SYNE3: variants seen among roughly 807,000 people sequenced by gnomAD.
SYNE3 encodes spectrin repeat containing nuclear envelope family member 3.
SYNE3 carries 100 observed loss-of-function variants against 111.2 expected under a neutral mutation model. The ratio of observed to expected loss-of-function variants is 0.90; its 90% CI spans 0.77 to 1.06. SYNE3 has a LOEUF of 1.06. Ranked by LOEUF, SYNE3 falls within the 50% of genes least tolerant of loss-of-function variation. The pLI is 0.00. For missense variants in SYNE3, 1,160 were observed against 1,240.3 expected, an observed-to-expected ratio of 0.94 and a Z score of 0.97; for synonymous variants, 547 against 533.9, an observed-to-expected ratio of 1.02 and a Z score of -0.34.
At chr14:95,499,856 C>CTTTTTT (rs10547044) in intron 1 of SYNE3, among the ~76,000 whole-genome samples, 29,141 of 89,110 alleles carry the variant, frequency 0.33, 6,348 homozygotes, top group East Asian at 0.4. Flanking sequence ...TAACTCTTGT[C>CTTTTTT]TTTTTTTTTT....
chr14:95,459,294 C>T (rs1050669674), intron 4 of SYNE3, among the ~76,000 whole-genome samples: 2 of 152,226 alleles, frequency 1.3e-5, no homozygotes, highest in Non-Finnish European at 2.9e-5. Context: ...GCCATTCTAG[C>T]TCATGCTTAT....
At chr14:95,466,481 C>G (rs1888185899) in intron 3 of SYNE3, among the ~76,000 whole-genome samples, 1 of 152,168 alleles carries the variant, frequency 6.6e-6, no homozygotes. Context: ...AGGGTAGGAG[C>G]CAGGGGAGCT....
Position 95,494,428 on chromosome 14 carries a change from C to T in SYNE3, c.-14-18593G>A, listed in dbSNP as rs550157605. 1.2e-3 allele frequency among the ~76,000 whole-genome samples: 188 copies of T among 152,264 alleles called. 1 individual carries two copies. Among genetic ancestry groups the T allele is most frequent in the African/African-American group, 4.1e-3 (171 of 41,546 alleles). ...AGGGCATAACGAGTGGATGGACTGG[C>T]GAGACCAAAAGCTGGGAGATGGGGA... is the stretch of plus-strand genomic sequence containing the variant. On this transcript the variant is annotated intron_variant, in intron 1 of 17. Transcript: ENST00000682763.
At position 95,417,229 on chromosome 14, in the gene SYNE3, A is replaced by G. The variant is rs111649279; in HGVS notation, c.*597T>C. The G allele has an allele frequency of 0.012, 1,986 of 161,064 alleles. 42 individuals are homozygous for G. Among genetic ancestry groups the G allele is most frequent in the African/African-American group, 0.044 (1,849 of 41,676 alleles). The allele number at this position is 161,064 out of a possible 1,614,324, so 10.0% of individuals were successfully genotyped here. A position where few individuals can be genotyped will look rare whatever the true frequency, so the allele number is the denominator to read the frequency against. The stretch of plus-strand genomic sequence containing the variant: ...GCTATCATTGAACCTGCCTCTGGTC[A>G]TTGCCATTTCTACTTCTGACACGTG... On this transcript the variant is annotated 3_prime_UTR_variant, in exon 18 of 18. Coordinates refer to ENST00000682763, the MANE Select transcript of SYNE3 (RefSeq NM_152592.6).
At chr14:95,487,511 C>A (rs1393100193) in intron 1 of SYNE3, among the ~76,000 whole-genome samples, 3 of 152,106 alleles carry the variant, frequency 2.0e-5, no homozygotes, top group Non-Finnish European at 4.4e-5. Context: ...CCTGACTGAT[C>A]GGCTGGAGAT....
intron 5 of SYNE3, chr14:95,456,119 A>T (rs1281005146): frequency 3.2e-6 from 1 of 310,474 alleles, no homozygotes; most frequent in Non-Finnish European, 5.8e-6. Context: ...ACCTATTTGG[A>T]ATTGGCACCA....
At chr14:95,510,771 GAGTGAGACTCCGTCTCAAAAAAAAAAA>G (rs1484048272) in intron 1 of SYNE3, among the ~76,000 whole-genome samples, 2 of 152,100 alleles carry the variant, frequency 1.3e-5, no homozygotes, top group African/African-American at 4.8e-5. Flanking sequence ...CTGGGCAACA[GAGTGAGACTCCGTCTCAAAAAAAAAAA>G]AGTGCAGGAC....
intron 2 of SYNE3, among the ~76,000 whole-genome samples, chr14:95,468,219 G>T (rs1319107412): frequency 1.3e-5 from 2 of 152,152 alleles, no homozygotes; most frequent in African/African-American, 4.8e-5. Context: ...TCCCCACTCG[G>T]CCCATTTCTA....
chr14:95,428,533 G>A lies in SYNE3; in HGVS notation c.2727+3546C>T, dbSNP rs556664918. Among the ~76,000 whole-genome samples, 20 of 152,304 alleles carry A rather than the reference G, an allele frequency of 1.3e-4. No homozygotes were observed. The Middle Eastern group carries it at 0.014, about 104-fold the overall frequency. On this transcript the variant is annotated intron_variant, in intron 17 of 17. Transcript: ENST00000682763. The stretch of plus-strand genomic sequence containing the variant: ...ATTCCAAGAGCCCACATATGAAATG[G>A]ATGGGAGATGCCTGCTCTCTGCTTC...
At chr14:95,438,878 A>C (rs574848093) in intron 14 of SYNE3, 155 bp downstream of exon 14, 1 of 1,076,582 alleles carries the variant, frequency 9.3e-7, no homozygotes, top group East Asian at 2.4e-5. Context: ...CTCTTTGGCC[A>C]CAGCTGGGGC....
intron 4 of SYNE3, among the ~76,000 whole-genome samples, chr14:95,457,679 C>G (rs1032397385): frequency 6.6e-6 from 1 of 152,194 alleles, no homozygotes; most frequent in African/African-American, 2.4e-5. Context: ...TACTACATCA[C>G]ACTGTCATTC....
At chr14:95,437,342 T>C (rs1006193672) in intron 14 of SYNE3, among the ~76,000 whole-genome samples, 8 of 152,328 alleles carry the variant, frequency 5.3e-5, no homozygotes, top group African/African-American at 1.4e-4. Context: ...GTTATCCACA[T>C]TGGTGCCTCT....
intron 1 of SYNE3, among the ~76,000 whole-genome samples, chr14:95,488,721 G>GAGAGGAGAGGAGAGGAGAGGAGAGT (rs1889683991): frequency 8.8e-6 from 1 of 114,056 alleles, no homozygotes. Flanking sequence ...GAGAGGAGAG[G>GAGAGGAGAGGAGAGGAGAGGAGAGT]AGAGGAGAGG....
chr14:95,466,334 G>A, intron 3 of SYNE3, 94 bp from the exon 4 acceptor site: 1 of 1,421,912 alleles, frequency 7.0e-7, no homozygotes, highest in Non-Finnish European at 9.4e-7. Context: ...AATACTAGGG[G>A]GCTGTGGTCT....
intron 11 of SYNE3, 72 bp from the exon 12 acceptor site, chr14:95,440,147 C>T (rs1172287627): frequency 6.7e-7 from 1 of 1,499,600 alleles, no homozygotes; most frequent in Non-Finnish European, 8.9e-7. Context: ...ACCACCCCCA[C>T]CCTGCAGGGC....
chr14:95,429,405 A>G (rs969161211), intron 17 of SYNE3, among the ~76,000 whole-genome samples: 2 of 152,218 alleles, frequency 1.3e-5, no homozygotes, highest in African/African-American at 4.8e-5. Context: ...TGGTTCTCAA[A>G]GTGTGGTCCC....
At chr14:95,493,232 G>A (rs1332111595) in intron 1 of SYNE3, among the ~76,000 whole-genome samples, 2 of 152,140 alleles carry the variant, frequency 1.3e-5, no homozygotes, top group Non-Finnish European at 2.9e-5. Flanking sequence ...AGAACAGTAC[G>A]TTCCATTTAC....
At chr14:95,488,327 G>T (rs982467519) in intron 1 of SYNE3, among the ~76,000 whole-genome samples, 1 of 152,132 alleles carries the variant, frequency 6.6e-6, no homozygotes, top group Non-Finnish European at 1.5e-5. Context: ...CATCCATGTC[G>T]TTGCCTGTAT....
intron 1 of SYNE3, among the ~76,000 whole-genome samples, chr14:95,480,080 A>G (rs1210748202): frequency 6.6e-6 from 1 of 152,224 alleles, no homozygotes; most frequent in East Asian, 1.9e-4. Flanking sequence ...TAAATAAAAA[A>G]GAACTGTGCA....
Sources: allele counts gnomAD v4.1 joint callset (sites outside exome capture counted in the v4.1 genomes callset), GRCh38; gene constraint gnomAD v4.1.1; transcripts MANE v1.5; gene names NCBI Gene and HGNC (gene_info 2026-07-23, HGNC 2026-07-21).